Variants in CSGALNACT1 observed in about 807,000 individuals in gnomAD.
CSGALNACT1 encodes the protein beta4GalNAcT-1.
CSGALNACT1 carries 52 observed loss-of-function variants against 51.0 expected under a neutral mutation model. That is an observed-to-expected ratio of 1.02 (90% CI 0.82 to 1.29). The LOEUF is 1.29. Among genes scored for constraint, CSGALNACT1 ranks in the 50% most tolerant of loss-of-function variants. The pLI is 0.00. For synonymous variants in CSGALNACT1, 341 were observed against 254.4 expected (o/e 1.34, Z -3.24); for missense variants, 935 against 679.2 (o/e 1.38, Z -4.19).
intron 1 of CSGALNACT1, among the ~76,000 whole-genome samples, chr8:19,739,721 G>A (rs145693219): frequency 3.4e-4 from 51 of 152,228 alleles, no homozygotes; most frequent in African/African-American, 9.1e-4. Flanking sequence ...GCTCTCTTGC[G>A]CCATGAGCAC....
chr8:19,550,522 T>G (rs2087737616), intron 3 of CSGALNACT1, among the ~76,000 whole-genome samples: 1 of 151,932 alleles, frequency 6.6e-6, no homozygotes, highest in South Asian at 2.1e-4. Flanking sequence ...GTTTTTGAAG[T>G]TTTTTTCTTC....
intron 3 of CSGALNACT1, among the ~76,000 whole-genome samples, chr8:19,584,642 A>G (rs945030028): frequency 6.6e-6 from 1 of 152,242 alleles, no homozygotes; most frequent in African/African-American, 2.4e-5. Context: ...TATAATCTAA[A>G]TACACTTAGC....
intron 3 of CSGALNACT1, among the ~76,000 whole-genome samples, chr8:19,516,266 T>A (rs1429367132): frequency 6.6e-6 from 1 of 152,072 alleles, no homozygotes; most frequent in East Asian, 1.9e-4. Flanking sequence ...AACTGAAGCT[T>A]AAAGCAATGA....
chr8:19,546,207 C>A (rs2086426818), intron 3 of CSGALNACT1, among the ~76,000 whole-genome samples: 1 of 152,154 alleles, frequency 6.6e-6, no homozygotes, highest in African/African-American at 2.4e-5. Flanking sequence ...TCCATATTCA[C>A]TGATATTTAT....
intron 6 of CSGALNACT1, among the ~76,000 whole-genome samples, chr8:19,427,486 C>G (rs1245500968): frequency 1.3e-5 from 2 of 152,138 alleles, no homozygotes; most frequent in African/African-American, 4.8e-5. Context: ...ATGGAGTTTC[C>G]TTAGAAAATT....
At chr8:19,503,096 T>C (rs1331852372) in intron 4 of CSGALNACT1, among the ~76,000 whole-genome samples, 1 of 152,254 alleles carries the variant, frequency 6.6e-6, no homozygotes, top group Admixed American at 6.5e-5. Flanking sequence ...CTCCACAATC[T>C]TGTGGTATTG....
intron 1 of CSGALNACT1, among the ~76,000 whole-genome samples, chr8:19,673,762 T>C (rs1307652445): frequency 1.3e-5 from 2 of 152,216 alleles, no homozygotes; most frequent in South Asian, 2.1e-4. Context: ...CAGCGTTCTT[T>C]TGAAACAGAG....
chr8:19,540,667 G>A (rs13280511), intron 3 of CSGALNACT1, among the ~76,000 whole-genome samples: 10,974 of 152,030 alleles, frequency 0.072, 406 homozygotes, highest in Middle Eastern at 0.11. Context: ...CAGCCCTTAC[G>A]TCCTAGATTC....
At position 19,479,789 on chromosome 8, in the gene CSGALNACT1, CCG is replaced by C. The variant is rs1267004014; in HGVS notation, c.635-21149_635-21148del. On this transcript the variant is annotated intron_variant, in intron 4 of 9. Transcript: ENST00000454498. ...AAAAAAAAAAAAAAAAGATTCCTCT[CCG>C]TAGATCACACTAATGCCTGTCTTCA... 6.2e-5 allele frequency among the ~76,000 whole-genome samples: 6 copies of C among 96,270 alleles called. 1 individual carries two copies. The highest frequency in any genetic ancestry group is 1.3e-4 in the African/African-American group (3 of 22,910). 63.2% of individuals were successfully genotyped at this position (96,270 alleles called of 152,430 possible).
intron 1 of CSGALNACT1, among the ~76,000 whole-genome samples, chr8:19,681,740 T>C (rs1182545575): frequency 2.6e-5 from 4 of 152,186 alleles, no homozygotes; most frequent in Non-Finnish European, 2.9e-5. Flanking sequence ...CTCTGTCCCC[T>C]GCCCTGGGAA....
At chr8:19,577,770 T>A (rs542239699) in intron 3 of CSGALNACT1, among the ~76,000 whole-genome samples, 2 of 152,062 alleles carry the variant, frequency 1.3e-5, no homozygotes, top group Non-Finnish European at 2.9e-5. Flanking sequence ...AGTAAGAAGC[T>A]GCAGCAACTT....
intron 1 of CSGALNACT1, among the ~76,000 whole-genome samples, chr8:19,632,537 C>A (rs2055416583): frequency 6.6e-6 from 1 of 152,138 alleles, no homozygotes; most frequent in Non-Finnish European, 1.5e-5. Context: ...TTTTTAATTG[C>A]TGCATTTTGG....
At chr8:19,563,886 A>C (rs891843490) in intron 3 of CSGALNACT1, among the ~76,000 whole-genome samples, 2 of 151,644 alleles carry the variant, frequency 1.3e-5, no homozygotes, top group African/African-American at 2.4e-5. Flanking sequence ...TGTCCTCCCC[A>C]ACCCTAGACT....
intron 7 of CSGALNACT1, among the ~76,000 whole-genome samples, chr8:19,420,093 C>T (rs543981022): frequency 8.5e-5 from 13 of 152,332 alleles, no homozygotes; most frequent in Admixed American, 1.3e-4. Context: ...GATTGTGAGG[C>T]CTCCCCAGCC....
intron 3 of CSGALNACT1, among the ~76,000 whole-genome samples, chr8:19,507,325 G>A (rs1036615372): frequency 2.6e-5 from 4 of 151,688 alleles, no homozygotes; most frequent in East Asian, 1.9e-4. Flanking sequence ...ATACTCAGAC[G>A]GGTCCCAGGA....
At chr8:19,464,665 A>C (rs1444881773) in intron 4 of CSGALNACT1, among the ~76,000 whole-genome samples, 1 of 152,136 alleles carries the variant, frequency 6.6e-6, no homozygotes, top group African/African-American at 2.4e-5. Context: ...TTACATTCTT[A>C]ACACCCTACT....
rs771406178 is a variant in CSGALNACT1, at chr8:19,418,172, C to T, written c.1227+484G>A. The stretch of plus-strand genomic sequence containing the variant: ...TGATGGGAAGGGAACGGTGGCATGA[C>T]GGGAAGGGCACTGGGAGCACACTGG... On this transcript the variant is annotated intron_variant, in intron 8 of 9. Coordinates refer to ENST00000454498, the Ensembl canonical transcript of CSGALNACT1. Among the ~76,000 whole-genome samples the T allele has an allele frequency of 8.2e-4, 125 of 152,274 alleles. 1 individual carries two copies. The highest frequency in any genetic ancestry group is 2.2e-3 in the Admixed American group (33 of 15,292).
chr8:19,426,603 C>G (rs777679695), intron 6 of CSGALNACT1, among the ~76,000 whole-genome samples: 1 of 152,074 alleles, frequency 6.6e-6, no homozygotes, highest in Non-Finnish European at 1.5e-5. Context: ...ATAATTATTT[C>G]TTTTTCTTTT....
chr8:19,569,662 TC>T (rs1376747249), intron 3 of CSGALNACT1, among the ~76,000 whole-genome samples: 1 of 152,166 alleles, frequency 6.6e-6, no homozygotes, highest in Non-Finnish European at 1.5e-5. Flanking sequence ...ATATAACCAA[TC>T]TGTAACTCTG....
Sources: gnomAD v4.1 joint callset for allele counts (sites outside exome capture counted in the v4.1 genomes callset) on GRCh38, gnomAD v4.1.1 for gene constraint, MANE v1.5 for transcripts, NCBI Gene and HGNC (gene_info 2026-07-23, HGNC 2026-07-21) for gene names.